The following ANKRD45 variants were observed in gnomAD, a reference collection of about 807,000 sequenced individuals.
ANKRD45 encodes ankyrin repeat domain 45, also known as ankyrin repeat domain-containing protein 45.
A neutral mutation model predicts 28.1 loss-of-function variants in ANKRD45; 21 were observed. That is an observed-to-expected ratio of 0.75 (90% confidence interval 0.53 to 1.08). ANKRD45 has a LOEUF of 1.08. Among genes scored for constraint, ANKRD45 ranks in the 50% least tolerant of loss-of-function variants. ANKRD45 has a pLI of 0.00. For synonymous variants in ANKRD45, 86 were observed against 103.9 expected, an observed-to-expected ratio of 0.83 and a Z score of 1.05; for missense variants, 261 against 308.7, an observed-to-expected ratio of 0.85 and a Z score of 1.16.
the ANKRD45 span, among the ~76,000 whole-genome samples, chr1:173,684,013 T>C: frequency 6.6e-6 from 1 of 152,122 alleles, no homozygotes; most frequent in South Asian, 2.1e-4. Context: ...TAATTCCAAT[T>C]GGCTAATTTA....
the ANKRD45 span, among the ~76,000 whole-genome samples, chr1:173,681,403 ATTTGAC>A: frequency 1.2e-4 from 19 of 152,164 alleles, no homozygotes; most frequent in Admixed American, 8.5e-4. Flanking sequence ...AACTTAAAGC[ATTTGAC>A]TAGTCTTTTC....
At chr1:173,702,475 G>A in the ANKRD45 span, among the ~76,000 whole-genome samples, 2 of 152,142 alleles carry the variant, frequency 1.3e-5, no homozygotes, top group East Asian at 1.9e-4. Flanking sequence ...AAGAAAAGAG[G>A]GCTAAAGGCA....
the ANKRD45 span, among the ~76,000 whole-genome samples, chr1:173,703,374 T>A: frequency 1.3e-5 from 2 of 151,992 alleles, no homozygotes; most frequent in African/African-American, 4.8e-5. Context: ...TGGCTAATTT[T>A]TTTGTATTTT....
At chr1:173,681,322 A>G in the ANKRD45 span, among the ~76,000 whole-genome samples, 1 of 152,188 alleles carries the variant, frequency 6.6e-6, no homozygotes, top group Non-Finnish European at 1.5e-5. Flanking sequence ...AGACAACATG[A>G]TAGACATTTC....
At chr1:173,655,409 G>A (rs1332289403) in intron 2 of ANKRD45, among the ~76,000 whole-genome samples, 1 of 152,206 alleles carries the variant, frequency 6.6e-6, no homozygotes, top group East Asian at 1.9e-4. Context: ...CTGTTTGCTT[G>A]GGTATCACCA....
intron 1 of ANKRD45, among the ~76,000 whole-genome samples, chr1:173,659,698 G>A (rs1342968768): frequency 6.6e-6 from 1 of 152,054 alleles, no homozygotes; most frequent in East Asian, 1.9e-4. Flanking sequence ...AACAGGAGAA[G>A]AAAGAGATCA....
upstream of ANKRD45, among the ~76,000 whole-genome samples, chr1:173,671,000 G>C (rs1015313088): frequency 2.0e-5 from 3 of 152,186 alleles, no homozygotes; most frequent in Non-Finnish European, 2.9e-5. Flanking sequence ...ATCACCTAGT[G>C]TGCAAGTCCC....
chr1:173,687,453 T>TTC, the ANKRD45 span, among the ~76,000 whole-genome samples: 3 of 99,340 alleles, frequency 3.0e-5, no homozygotes, highest in Admixed American at 9.4e-5. Flanking sequence ...ATATAAATTC[T>TTC]ACCCCCCCCC....
At chr1:173,633,549 A>C (rs1031950822) in intron 3 of ANKRD45, among the ~76,000 whole-genome samples, 1 of 152,058 alleles carries the variant, frequency 6.6e-6, no homozygotes, top group Non-Finnish European at 1.5e-5. Context: ...CATCCTGAGC[A>C]AAACAAAAAC....
At chr1:173,623,040 G>C (rs999741676) in intron 5 of ANKRD45, among the ~76,000 whole-genome samples, 1 of 152,072 alleles carries the variant, frequency 6.6e-6, no homozygotes, top group South Asian at 2.1e-4. Flanking sequence ...AAAAGGCTGG[G>C]CATGGTGGCT....
chr1:173,659,215 C>T lies in ANKRD45; in HGVS notation c.204G>A (p.Gln68=), dbSNP rs892098130. ...PENPHHEQAM[Q]LLLEEDIVGR... is the part of the protein sequence containing the mutation. ...CAACGATGTCTTCTTCTAAGAGAAGCTGCATGGCCTGTTCATGATGAGGAT... is the reference window on the plus strand; with the variant it reads ...CAACGATGTCTTCTTCTAAGAGAAGTTGCATGGCCTGTTCATGATGAGGAT... The change falls in exon 2 of 6, where the codon CAG becomes CAA. Residue 68 remains glutamine (Q), a synonymous_variant. Coordinates refer to ENST00000333279, the MANE Select transcript of ANKRD45 (RefSeq NM_198493.3). 1.2e-6 allele frequency: 2 copies of T among 1,614,128 alleles called. No homozygotes were observed. The highest frequency in any genetic ancestry group is 8.5e-7 in the Non-Finnish European group (1 of 1,180,006).
intron 3 of ANKRD45, among the ~76,000 whole-genome samples, chr1:173,631,456 C>T (rs1003882443): frequency 1.3e-4 from 19 of 151,926 alleles, no homozygotes; most frequent in African/African-American, 4.6e-4. Flanking sequence ...AAAGAAACAT[C>T]GGACTTAATC....
rs574764083 is a variant in ANKRD45, at chr1:173,626,951, G to C, written c.591+114C>G. The C allele has an allele frequency of 2.3e-5, 15 of 648,040 alleles. No individual in the cohort carries two copies. The African/African-American group carries it at 2.8e-4, about 12-fold the overall frequency. 40.1% of individuals were successfully genotyped at this position (648,040 alleles called of 1,614,324 possible). On this transcript the variant is annotated intron_variant, in intron 4 of 5. Transcript: ENST00000333279. ...AGGAGGGAAGAAGGAAAGAAAGAGGGAGGAGGGAGGAAGTAAGGACCACTA... is the reference window on the plus strand; with the variant it reads ...AGGAGGGAAGAAGGAAAGAAAGAGGCAGGAGGGAGGAAGTAAGGACCACTA...
At chr1:173,675,333 C>T in the ANKRD45 span, 3 of 351,746 alleles carry the variant, frequency 8.5e-6, no homozygotes, top group Non-Finnish European at 1.7e-5. Flanking sequence ...AGAATTCAGG[C>T]CAGTCACGGT....
At chr1:173,700,844 C>A in the ANKRD45 span, among the ~76,000 whole-genome samples, 1 of 152,176 alleles carries the variant, frequency 6.6e-6, no homozygotes, top group Non-Finnish European at 1.5e-5. Flanking sequence ...AACTAAAGAG[C>A]TTCTGCACAG....
chr1:173,646,947 A>T lies in ANKRD45; in HGVS notation c.395T>A (p.Leu132Gln). 6.2e-7 allele frequency: 1 copy of T among 1,614,120 alleles called. No individual in the cohort carries two copies. ...RLETLKALVE[L>Q]DVDIEALNFR... ...GTTCAAAGCTTCTATATCAACATCC[A>T]GTTCTACCAGTGCTTTCAAAGTTTC... The change falls in exon 3 of 6, where the codon CTG (leucine) becomes CAG (glutamine). Residue 132 changes from leucine to glutamine, a missense_variant. Coordinates refer to ENST00000333279, the MANE Select transcript of ANKRD45 (RefSeq NM_198493.3).
rs1326247714 is a variant in ANKRD45, at chr1:173,663,646, A to G, written c.-15-4213T>C. Among the ~76,000 whole-genome samples, 3 of 152,220 alleles carry G rather than the reference A, an allele frequency of 2.0e-5. No individual in the cohort carries two copies. The East Asian group carries it at 5.8e-4, about 29-fold the overall frequency. On this transcript the variant is annotated intron_variant, in intron 1 of 5. Coordinates refer to ENST00000333279, the MANE Select transcript of ANKRD45 (RefSeq NM_198493.3). ...TAAGCGATAAGATGTAATCAGATATATAGACTGCAAATTCCAGGAATGCTT... is the reference window on the plus strand; with the variant it reads ...TAAGCGATAAGATGTAATCAGATATGTAGACTGCAAATTCCAGGAATGCTT...
At chr1:173,679,534 G>A in the ANKRD45 span, among the ~76,000 whole-genome samples, 1 of 152,052 alleles carries the variant, frequency 6.6e-6, no homozygotes, top group Non-Finnish European at 1.5e-5. Flanking sequence ...TACACCTTAT[G>A]CAAAAATTAA....
At chr1:173,686,713 G>T in the ANKRD45 span, among the ~76,000 whole-genome samples, 1 of 152,162 alleles carries the variant, frequency 6.6e-6, no homozygotes, top group African/African-American at 2.4e-5. Context: ...TTCTTACTGA[G>T]AAATTTCCTT....
Sources: gnomAD v4.1 joint callset for allele counts (sites outside exome capture counted in the v4.1 genomes callset) on GRCh38, gnomAD v4.1.1 for gene constraint, MANE v1.5 for transcripts, NCBI Gene and HGNC (gene_info 2026-07-23, HGNC 2026-07-21) for gene names.